The following MAML3 variants were observed in gnomAD, a reference collection of about 807,000 sequenced individuals.
MAML3 encodes mastermind-like protein 3.
A neutral mutation model predicts 101.9 loss-of-function variants in MAML3; 27 were observed. The ratio of observed to expected loss-of-function variants is 0.27; its 90% CI spans 0.20 to 0.37. MAML3 has a LOEUF of 0.37. Ranked by LOEUF, MAML3 falls within the 10% of genes least tolerant of loss-of-function variation. The pLI, the probability that MAML3 is intolerant of heterozygous loss-of-function variation, is 1.00. For synonymous variants in MAML3, 501 were observed against 555.9 expected (o/e 0.90, Z 1.39); for missense variants, 1,316 against 1,444.9 (o/e 0.91, Z 1.45).
intron 2 of MAML3, among the ~76,000 whole-genome samples, chr4:139,733,557 G>GA (rs3051189): frequency 0.022 from 2,817 of 126,122 alleles, 42 homozygotes; most frequent in Non-Finnish European, 0.026. Flanking sequence ...AGCACAGTGT[G>GA]AAAAAAAAAA....
rs555159267 is a variant in MAML3, at chr4:139,986,668, T to C, written c.469-95701A>G. ...CCAATGCCAATGAATCATGAATCTC[T>C]ACAAAAATAGAGGCCAAAGAGGTGA... is the stretch of plus-strand genomic sequence containing the variant. On this transcript the variant is annotated intron_variant, in intron 1 of 4. Coordinates refer to ENST00000509479, the MANE Select transcript of MAML3 (RefSeq NM_018717.5). Among the ~76,000 whole-genome samples the C allele has an allele frequency of 4.6e-5, 7 of 151,426 alleles. No individual in the cohort carries two copies. The East Asian group carries it at 1.4e-3, about 29-fold the overall frequency.
chr4:139,803,923 T>G (rs1160688666), intron 2 of MAML3, among the ~76,000 whole-genome samples: 2 of 152,042 alleles, frequency 1.3e-5, no homozygotes, highest in African/African-American at 2.4e-5. Flanking sequence ...CCACACTAGT[T>G]CAACACACCC....
intron 1 of MAML3, among the ~76,000 whole-genome samples, chr4:140,107,680 T>C (rs1410346272): frequency 1.3e-5 from 2 of 151,772 alleles, no homozygotes; most frequent in African/African-American, 4.8e-5. Context: ...AATTTTTGTA[T>C]TTTTAGTAGA....
chr4:139,992,441 C>T (rs1039409097), intron 1 of MAML3, among the ~76,000 whole-genome samples: 4 of 152,128 alleles, frequency 2.6e-5, no homozygotes, highest in African/African-American at 9.7e-5. Flanking sequence ...TTTCCCAAAA[C>T]GGCTGTGCCA....
At chr4:139,994,534 C>T (rs1734765755) in intron 1 of MAML3, among the ~76,000 whole-genome samples, 1 of 151,980 alleles carries the variant, frequency 6.6e-6, no homozygotes, top group Non-Finnish European at 1.5e-5. Context: ...GTGGTGCATG[C>T]CTGAAGTTCT....
At position 140,128,671 on chromosome 4, in the gene MAML3, T is replaced by C. The variant is rs145456162; in HGVS notation, c.468+24189A>G. On this transcript the variant is annotated intron_variant, in intron 1 of 4. Coordinates refer to ENST00000509479, the MANE Select transcript of MAML3 (RefSeq NM_018717.5). ...CAGCTGCAGTGGTCCTCTAGATGTG[T>C]GCTCAAGCCCAGAGAAGACTTTGAC... Among the ~76,000 whole-genome samples, 222 of 152,266 alleles carry C rather than the reference T, an allele frequency of 1.5e-3. 1 individual carries two copies. Among genetic ancestry groups the C allele is most frequent in the African/African-American group, 5.2e-3 (218 of 41,564 alleles).
intron 2 of MAML3, among the ~76,000 whole-genome samples, chr4:139,854,131 T>C (rs1426575812): frequency 6.6e-6 from 1 of 151,956 alleles, no homozygotes; most frequent in Non-Finnish European, 1.5e-5. Flanking sequence ...CCACATTTTT[T>C]TTTATCCTTT....
chr4:139,888,100 T>G (rs1411166144), intron 2 of MAML3, among the ~76,000 whole-genome samples: 2 of 152,052 alleles, frequency 1.3e-5, no homozygotes, highest in Admixed American at 6.6e-5. Context: ...AGGACAAGAA[T>G]GAAGCCACAG....
intron 2 of MAML3, among the ~76,000 whole-genome samples, chr4:139,830,535 C>A (rs1343407874): frequency 6.6e-6 from 1 of 151,500 alleles, no homozygotes; most frequent in African/African-American, 2.4e-5. Context: ...CTGCCTCAGC[C>A]TCCCAAGTAG....
At chr4:140,119,703 C>T (rs1728574275) in intron 1 of MAML3, among the ~76,000 whole-genome samples, 1 of 147,104 alleles carries the variant, frequency 6.8e-6, no homozygotes, top group Admixed American at 6.9e-5. Flanking sequence ...CTCACTGCAG[C>T]CTCCAACTGC....
At chr4:139,814,646 T>C (rs1372617037) in intron 2 of MAML3, among the ~76,000 whole-genome samples, 2 of 152,198 alleles carry the variant, frequency 1.3e-5, no homozygotes, top group Non-Finnish European at 2.9e-5. Flanking sequence ...ACAGCTACGA[T>C]AGCTGAAAGG....
At chr4:139,840,516 G>A (rs954434340) in intron 2 of MAML3, among the ~76,000 whole-genome samples, 2 of 152,216 alleles carry the variant, frequency 1.3e-5, no homozygotes, top group Non-Finnish European at 2.9e-5. Context: ...GTGAGCAGCG[G>A]CTAGATGAAA....
chr4:139,890,984 A>G lies in MAML3; in HGVS notation c.469-17T>C. On this transcript the variant is annotated splice_polypyrimidine_tract_variant and intron_variant, in intron 1 of 4. Coordinates refer to ENST00000509479, the MANE Select transcript of MAML3 (RefSeq NM_018717.5). This position sits in a 1 kb window ranked among gnomAD's most constrained non-coding sequence, Gnocchi z 4.1. Reference sequence around the variant, plus strand: ...CTCTTGTAGCTGGAAAAGAAACAGGAAAGAGGATGACTAAACCTCCAAGTC... The same window carrying G: ...CTCTTGTAGCTGGAAAAGAAACAGGGAAGAGGATGACTAAACCTCCAAGTC... 6.2e-7 allele frequency: 1 copy of G among 1,602,686 alleles called. No homozygotes were observed. The highest frequency in any genetic ancestry group is 8.5e-7 in the Non-Finnish European group (1 of 1,173,254).
intron 1 of MAML3, among the ~76,000 whole-genome samples, chr4:139,974,160 C>T (rs1344345991): frequency 1.4e-5 from 2 of 147,436 alleles, no homozygotes; most frequent in African/African-American, 5.0e-5. Context: ...GGCTGGAGTG[C>T]AGTGGCGCTA....
At chr4:140,018,142 A>C (rs1027056851) in intron 1 of MAML3, among the ~76,000 whole-genome samples, 8 of 152,174 alleles carry the variant, frequency 5.3e-5, no homozygotes, top group African/African-American at 1.9e-4. Context: ...ATAACCTAAA[A>C]TTTTAATTTG....
At chr4:140,085,245 G>C (rs1422811758) in intron 1 of MAML3, among the ~76,000 whole-genome samples, 2 of 152,164 alleles carry the variant, frequency 1.3e-5, no homozygotes, top group Non-Finnish European at 2.9e-5. Flanking sequence ...TTAACAAACG[G>C]GTAATGGGTA....
chr4:139,754,728 G>A (rs1404967440), intron 2 of MAML3, among the ~76,000 whole-genome samples: 1 of 152,118 alleles, frequency 6.6e-6, no homozygotes, highest in Non-Finnish European at 1.5e-5. Flanking sequence ...GAATATACAA[G>A]GGTGTCTGGA....
At chr4:139,913,598 G>A (rs1348831848) in intron 1 of MAML3, among the ~76,000 whole-genome samples, 2 of 152,140 alleles carry the variant, frequency 1.3e-5, no homozygotes, top group African/African-American at 4.8e-5. Context: ...GTACTCCTGG[G>A]TGACTCTCTC....
intron 1 of MAML3, among the ~76,000 whole-genome samples, chr4:139,944,954 T>C (rs1364557371): frequency 1.3e-5 from 2 of 151,200 alleles, no homozygotes; most frequent in African/African-American, 2.4e-5. Flanking sequence ...ACTGGGTATA[T>C]ACCCAAATGA....
Sources: gnomAD v4.1 joint callset for allele counts (sites outside exome capture counted in the v4.1 genomes callset) on GRCh38, gnomAD v4.1.1 for gene constraint, Gnocchi (gnomAD v3.1) non-coding constraint, MANE v1.5 for transcripts, NCBI Gene and HGNC (gene_info 2026-07-23, HGNC 2026-07-21) for gene names.